CDC20: variants seen among roughly 807,000 people sequenced by gnomAD.
The protein encoded by CDC20 is cell division cycle 20, also known as cell division cycle protein 20 homolog.
Under a neutral mutation model 60.0 loss-of-function variants are expected in CDC20, and 34 were observed. The ratio of observed to expected loss-of-function variants is 0.57; its 90% confidence interval spans 0.43 to 0.75. The LOEUF (loss-of-function observed/expected upper bound fraction) is 0.75, where lower values mean the gene tolerates loss of function less well. Among genes scored for constraint, CDC20 ranks in the 30% least tolerant of loss-of-function variants. CDC20 has a pLI of 0.00. For synonymous variants in CDC20, 198 were observed against 243.5 expected (o/e 0.81, Z 1.74); for missense variants, 469 against 647.3 (o/e 0.72, Z 2.99).
chr1:43,361,864 T>C (rs1647174006), intron 9 of CDC20, among the ~76,000 whole-genome samples: 1 of 152,208 alleles, frequency 6.6e-6, no homozygotes, highest in Admixed American at 6.5e-5. Context: ...TAGAGCCAGA[T>C]GGCCCAAGTT....
Position 43,359,246 on chromosome 1 carries a change from C to T in CDC20, c.31C>T (p.His11Tyr), listed in dbSNP as rs1368731242. ...ACAGTTCGCGTTCGAGAGTGACCTGCACTCGCTGCTTCAGCTGGATGCACC... is the reference window on the plus strand; with the variant it reads ...ACAGTTCGCGTTCGAGAGTGACCTGTACTCGCTGCTTCAGCTGGATGCACC... MAQFAFESDL[H>Y]SLLQLDAPIP... The change falls in exon 2 of 11, where the codon CAC (histidine) becomes TAC (tyrosine). Residue 11 changes from histidine to tyrosine, a missense_variant. By Grantham distance (83) the His-to-Tyr change is moderately conservative. This residue lies in a region of CDC20 where 115 missense variants were observed against 156.1 expected (regional missense o/e 0.74). Transcript: ENST00000310955. 1 of 1,611,762 alleles carries T rather than the reference C, an allele frequency of 6.2e-7. No individual in the cohort carries two copies.
rs78262841 is a variant in CDC20 at position 43,363,191 on chromosome 1, T to G, written c.*62T>G. The stretch of plus-strand genomic sequence containing the variant: ...TAATAAAGTCATGTCTCCCTTCATG[T>G]TTTTTTTTTAAATCTGTTTCAGCTA... On this transcript the variant is annotated 3_prime_UTR_variant, in exon 11 of 11. Coordinates refer to ENST00000310955, the MANE Select transcript of CDC20 (RefSeq NM_001255.3). The G allele has an allele frequency of 7.7e-7, 1 of 1,306,778 alleles. No homozygotes were observed. Among genetic ancestry groups the G allele is most frequent in the Non-Finnish European group, 1.1e-6 (1 of 936,974 alleles). 80.9% of individuals were successfully genotyped at this position (1,306,778 alleles called of 1,614,324 possible).
chr1:43,360,250 G>A lies in CDC20; in HGVS notation c.614G>A (p.Ser205Asn). The A allele has an allele frequency of 6.2e-7, 1 of 1,614,236 alleles. No individual in the cohort carries two copies. Among genetic ancestry groups the A allele is most frequent in the South Asian group, 1.1e-5 (1 of 91,088 alleles). ...GNVLAVALDN[S>N]VYLWSASSGD... ...GTACTGGCCGTGGCACTGGACAACAGTGTGTACCTGTGGAGTGCAAGCTCT... is the reference window on the plus strand; with the variant it reads ...GTACTGGCCGTGGCACTGGACAACAATGTGTACCTGTGGAGTGCAAGCTCT... Residue 205 changes from serine (S) to asparagine (N), a missense_variant, in exon 6 of 11, where the codon AGT (serine) becomes AAT (asparagine). Physicochemically the swap from Ser to Asn is conservative, Grantham distance 46 (BLOSUM62 1). Coordinates refer to ENST00000310955, the MANE Select transcript of CDC20 (RefSeq NM_001255.3).
chr1:43,359,128 C>T (rs1647156623), intron 1 of CDC20, 39 bp from the exon 2 acceptor site: 5 of 1,416,456 alleles, frequency 3.5e-6, no homozygotes, highest in Non-Finnish European at 4.0e-6. Context: ...GAAGGGGTCC[C>T]TTTCTGTCCC....
rs753081520 is a variant in CDC20 at position 43,360,300 on chromosome 1, ATGG to A, written c.665_667del (p.Met222_Glu223delinsLys). On this transcript the variant is annotated inframe_deletion, in exon 6 of 11. Coordinates refer to ENST00000310955, the MANE Select transcript of CDC20 (RefSeq NM_001255.3). ...TGGTGACATCCTGCAGCTTTTGCAA[ATGG>A]AGCAGCCTGGGGAATATATATCCTC... 46 of 1,614,086 alleles carry A rather than the reference ATGG, an allele frequency of 2.8e-5. No individual in the cohort carries two copies. The highest frequency in any genetic ancestry group is 8.3e-5 in the Admixed American group (5 of 60,012).
Position 43,359,639 on chromosome 1 carries a change from G to T in CDC20, c.330+1G>T. On this transcript the variant is annotated splice_donor_variant, in intron 3 of 10. Transcript: ENST00000310955. LOFTEE classifies it high-confidence loss of function. ...AAACAGCCAGACGCCCACCAAGAAG[G>T]TATGTGTCCCAGAGGGGCTTAAGGC... is the stretch of plus-strand genomic sequence containing the variant. The T allele has an allele frequency of 6.2e-7, 1 of 1,613,904 alleles. No individual in the cohort carries two copies. Among genetic ancestry groups the T allele is most frequent in the Non-Finnish European group, 8.5e-7 (1 of 1,180,022 alleles).
At chr1:43,361,717 C>G (rs1647173478) in intron 9 of CDC20, among the ~76,000 whole-genome samples, 1 of 152,202 alleles carries the variant, frequency 6.6e-6, no homozygotes, top group Non-Finnish European at 1.5e-5. Context: ...ATGCTGTGGT[C>G]TGTTATACTG....
At position 43,360,118 on chromosome 1, in the gene CDC20, G is replaced by C. The variant is rs2069384; in HGVS notation, c.556+21G>C. 1.9e-6 allele frequency: 3 copies of C among 1,614,104 alleles called. No individual in the cohort carries two copies. The East Asian group carries it at 6.7e-5, about 36-fold the overall frequency. On this transcript the variant is annotated intron_variant, in intron 5 of 10. Coordinates refer to ENST00000310955, the MANE Select transcript of CDC20 (RefSeq NM_001255.3). Reference sequence around the variant, plus strand: ...CTATTGTAAGTGCATCCTTATCCTCGCCTCATGCATGGAGAAAGAGGGCCT... The same window carrying C: ...CTATTGTAAGTGCATCCTTATCCTCCCCTCATGCATGGAGAAAGAGGGCCT...
intron 4 of CDC20, 49 bp from the exon 5 acceptor site, chr1:43,359,918 GCA>G: frequency 6.2e-7 from 1 of 1,612,816 alleles, no homozygotes; most frequent in South Asian, 1.1e-5. Flanking sequence ...AAGATTGAGG[GCA>G]AGGGAGGTGT....
Position 43,361,152 on chromosome 1 carries a change from C to T in CDC20, c.1110C>T (p.Val370=), listed in dbSNP as rs1443244194. Residue 370 remains valine (V), a synonymous_variant, in exon 9 of 11, where the codon GTC becomes GTT. Coordinates refer to ENST00000310955, the MANE Select transcript of CDC20 (RefSeq NM_001255.3). The part of the protein sequence containing the change: ...AVAWCPWQSN[V]LATGGGTSDR... ...CATGGTGTCCCTGGCAGTCCAATGTCCTGGCAACAGGAGGGGGCACCAGTG... is the reference window on the plus strand; with the variant it reads ...CATGGTGTCCCTGGCAGTCCAATGTTCTGGCAACAGGAGGGGGCACCAGTG... The T allele has an allele frequency of 6.2e-7, 1 of 1,613,930 alleles. No individual in the cohort carries two copies. The highest frequency in any genetic ancestry group is 8.5e-7 in the Non-Finnish European group (1 of 1,179,990).
rs1188676798 is a variant in CDC20, at chr1:43,359,642, T to C, written c.330+4T>C. The stretch of plus-strand genomic sequence containing the variant: ...CAGCCAGACGCCCACCAAGAAGGTA[T>C]GTGTCCCAGAGGGGCTTAAGGCACG... On this transcript the variant is annotated splice_donor_region_variant and intron_variant, in intron 3 of 10. Coordinates refer to ENST00000310955, the MANE Select transcript of CDC20 (RefSeq NM_001255.3). 1.2e-6 allele frequency: 2 copies of C among 1,613,084 alleles called. No homozygotes were observed. Among genetic ancestry groups the C allele is most frequent in the Non-Finnish European group, 1.7e-6 (2 of 1,179,868 alleles).
Position 43,360,805 on chromosome 1 carries a change from C to T in CDC20, c.921C>T (p.Gly307=). 6.2e-7 allele frequency: 1 copy of T among 1,614,150 alleles called. No homozygotes were observed. Among genetic ancestry groups the T allele is most frequent in the South Asian group, 1.1e-5 (1 of 91,084 alleles). Residue 307 remains glycine (G), a synonymous_variant, in exon 8 of 11, where the codon GGC becomes GGT. Coordinates refer to ENST00000310955, the MANE Select transcript of CDC20 (RefSeq NM_001255.3). ...VAEHHVATLS[G]HSQEVCGLRW... Reference sequence around the variant, plus strand: ...AACACCATGTGGCCACACTGAGTGGCCACAGCCAGGAAGTGTGTGGGCTGC... The same window carrying T: ...AACACCATGTGGCCACACTGAGTGGTCACAGCCAGGAAGTGTGTGGGCTGC...
chr1:43,360,986 C>T (rs1418220203), intron 8 of CDC20, 25 bp downstream of exon 8: 7 of 1,598,404 alleles, frequency 4.4e-6, no homozygotes, highest in Admixed American at 1.7e-5. Flanking sequence ...GCTGAAGCCT[C>T]TGCAGACCCT....
Position 43,359,333 on chromosome 1 carries a change from C to G in CDC20, c.118C>G (p.Pro40Ala), listed in dbSNP as rs754780326. The change falls in exon 2 of 11, where the codon CCC (proline) becomes GCC (alanine). Residue 40 changes from proline to alanine, a missense_variant. This residue lies in a region of CDC20 where 115 missense variants were observed against 156.1 expected (regional missense o/e 0.74). Coordinates refer to ENST00000310955, the MANE Select transcript of CDC20 (RefSeq NM_001255.3). ...RKAKEAAGPA[P>A]SPMRAANRSH... ...AGCCAAGGAAGCCGCAGGCCCGGCCCCCTCACCCATGCGGGCCGCCAACCG... is the reference window on the plus strand; with the variant it reads ...AGCCAAGGAAGCCGCAGGCCCGGCCGCCTCACCCATGCGGGCCGCCAACCG... 5.6e-6 allele frequency: 9 copies of G among 1,613,174 alleles called. No homozygotes were observed. The East Asian group carries it at 1.8e-4, about 32-fold the overall frequency.
Position 43,360,211 on chromosome 1 carries a change from G to A in CDC20, c.575G>A (p.Trp192Ter). ...CTGACAGACCTGAACCTTGTGGATT[G>A]GAGTTCTGGGAATGTACTGGCCGTG... ...RNDYYLNLVDWSSGNVLAVAL... is the reference protein window; with the variant it reads ...RNDYYLNLVD Residue 192 changes from tryptophan to a stop codon, truncating the protein, a stop_gained, in exon 6 of 11, where the codon TGG becomes TAG. Transcript: ENST00000310955. LOFTEE classifies it high-confidence loss of function. The A allele has an allele frequency of 6.2e-7, 1 of 1,614,194 alleles. No individual in the cohort carries two copies. The highest frequency in any genetic ancestry group is 8.5e-7 in the Non-Finnish European group (1 of 1,180,024).
In CDC20 at chr1:43,360,251, T is replaced by C. The variant is rs1647166209; in HGVS notation, c.615T>C (p.Ser205=). The C allele has an allele frequency of 1.9e-6, 3 of 1,614,044 alleles. No individual in the cohort carries two copies. The highest frequency in any genetic ancestry group is 1.7e-6 in the Non-Finnish European group (2 of 1,180,040). ...TACTGGCCGTGGCACTGGACAACAG[T>C]GTGTACCTGTGGAGTGCAAGCTCTG... ...GNVLAVALDN[S]VYLWSASSGD... is the part of the protein sequence containing the mutation. Residue 205 remains serine, a synonymous_variant, in exon 6 of 11, where the codon AGT becomes AGC. Coordinates refer to ENST00000310955, the MANE Select transcript of CDC20 (RefSeq NM_001255.3).
chr1:43,363,032 G>C lies in CDC20; in HGVS notation c.1403G>C (p.Arg468Thr). 1.2e-6 allele frequency: 2 copies of C among 1,613,646 alleles called. No individual in the cohort carries two copies. The highest frequency in any genetic ancestry group is 1.7e-6 in the Non-Finnish European group (2 of 1,179,868). The change falls in exon 11 of 11, where the codon AGG (arginine) becomes ACG (threonine). Residue 468 changes from arginine to threonine, a missense_variant. Transcript: ENST00000310955. ...VASAAADETL[R>T]LWRCFELDPA... ...TCCGCAGCAGCAGATGAGACCCTGA[G>C]GCTATGGCGCTGTTTTGAGTTGGAC...
rs1214183598 is a variant in CDC20, at chr1:43,362,194, G to T, written c.1204-1G>T. 7 of 1,594,060 alleles carry T rather than the reference G, an allele frequency of 4.4e-6. No individual in the cohort carries two copies. In the Admixed American group the frequency reaches 1.0e-4, roughly 23 times the overall value. ...ATGCCCACACCAGCTCCTCTCCACA[G>T]GTGTGCTCCATCCTCTGGTCTCCCC... is the stretch of plus-strand genomic sequence containing the variant. On this transcript the variant is annotated splice_acceptor_variant, in intron 9 of 10. Transcript: ENST00000310955. LOFTEE classifies it high-confidence loss of function.
intron 9 of CDC20, among the ~76,000 whole-genome samples, 184 bp downstream of exon 9, chr1:43,361,429 C>T (rs1157104159): frequency 6.6e-6 from 1 of 152,204 alleles, no homozygotes; most frequent in Non-Finnish European, 1.5e-5. Flanking sequence ...GGCACCACCA[C>T]CTTGATCTGT....
Sources: allele counts gnomAD v4.1 joint callset (sites outside exome capture counted in the v4.1 genomes callset), GRCh38; gene constraint gnomAD v4.1.1; regional missense constraint gnomAD v4.1.1; transcripts MANE v1.5; gene names NCBI Gene and HGNC (gene_info 2026-07-23, HGNC 2026-07-21).